The following ZNF112 variants were observed in gnomAD, a reference collection of about 807,000 sequenced individuals.
ZNF112 encodes zinc finger protein 112.
ZNF112 carries 37 observed loss-of-function variants against 77.7 expected under a neutral mutation model. The observed-to-expected ratio is 0.48, with a 90% CI of 0.37 to 0.63. The LOEUF is 0.63. Among genes scored for constraint, ZNF112 ranks in the 20% least tolerant of loss-of-function variants. The pLI is 0.00. For missense variants in ZNF112, 950 were observed against 1,077.4 expected (o/e 0.88, Z 1.66); for synonymous variants, 333 against 363.6 (o/e 0.92, Z 0.96).
chr19:44,337,430 T>TATATTTTATATATATA, intron 2 of ZNF112, among the ~76,000 whole-genome samples: 1 of 119,654 alleles, frequency 8.4e-6, no homozygotes, highest in African/African-American at 3.0e-5. Flanking sequence ...ATATATTATA[T>TATATTTTATATATATA]ATATATGTCT....
upstream of ZNF112, among the ~76,000 whole-genome samples, chr19:44,361,251 T>G (rs1169876968): frequency 6.6e-6 from 1 of 152,192 alleles, no homozygotes; most frequent in Non-Finnish European, 1.5e-5. Flanking sequence ...GAAAGCATCA[T>G]GATGCTGTGA....
At chr19:44,359,999 G>A (rs538591225), upstream of ZNF112, among the ~76,000 whole-genome samples, 89 of 152,120 alleles carry the variant, frequency 5.9e-4, no homozygotes, top group African/African-American at 2.1e-3. Context: ...GCTCATGCCT[G>A]TAATCCCAGC....
chr19:44,354,296 T>A (rs200268671), intron 1 of ZNF112, among the ~76,000 whole-genome samples: 5 of 152,244 alleles, frequency 3.3e-5, no homozygotes, highest in African/African-American at 1.2e-4. Flanking sequence ...GTAGTCGTTA[T>A]ACAAACTATG....
chr19:44,343,889 C>T (rs942640116), intron 1 of ZNF112, among the ~76,000 whole-genome samples: 1 of 152,220 alleles, frequency 6.6e-6, no homozygotes, highest in Non-Finnish European at 1.5e-5. Context: ...TTTTGTAAGA[C>T]ATCTGGACAG....
chr19:44,335,067 G>A (rs1009577433), intron 3 of ZNF112, among the ~76,000 whole-genome samples: 1 of 152,222 alleles, frequency 6.6e-6, no homozygotes, highest in African/African-American at 2.4e-5. Context: ...TAGCCAAGTG[G>A]GCTATACCCT....
intron 1 of ZNF112, among the ~76,000 whole-genome samples, chr19:44,345,808 T>C (rs1970578321): frequency 6.6e-6 from 1 of 152,050 alleles, no homozygotes; most frequent in Non-Finnish European, 1.5e-5. Context: ...CATAAAAGAG[T>C]CTCCAGGCCC....
chr19:44,356,281 T>C (rs1317409683), intron 1 of ZNF112, among the ~76,000 whole-genome samples: 1 of 152,178 alleles, frequency 6.6e-6, no homozygotes, highest in Non-Finnish European at 1.5e-5. Context: ...ACTAGTACCA[T>C]TTTAAAGAAA....
At chr19:44,331,183 T>C (rs111520426) in intron 3 of ZNF112, among the ~76,000 whole-genome samples, 10 of 152,192 alleles carry the variant, frequency 6.6e-5, no homozygotes, top group African/African-American at 2.4e-4. Context: ...TCAACGGCCA[T>C]GGTGTAGGTC....
chr19:44,360,814 A>G (rs920481823), upstream of ZNF112, among the ~76,000 whole-genome samples: 1 of 152,226 alleles, frequency 6.6e-6, no homozygotes, highest in Non-Finnish European at 1.5e-5. Flanking sequence ...TGGATTGTAG[A>G]GCCCGATTTG....
intron 3 of ZNF112, among the ~76,000 whole-genome samples, chr19:44,330,409 G>A (rs1262826111): frequency 2.6e-5 from 4 of 152,100 alleles, no homozygotes; most frequent in Admixed American, 1.3e-4. Flanking sequence ...CCTGGACATC[G>A]AACATGATGG....
intron 1 of ZNF112, among the ~76,000 whole-genome samples, chr19:44,350,010 A>G (rs891594472): frequency 6.6e-6 from 1 of 152,108 alleles, no homozygotes; most frequent in Non-Finnish European, 1.5e-5. Context: ...AACAGTCGAT[A>G]TGGAACAACC....
intron 3 of ZNF112, among the ~76,000 whole-genome samples, chr19:44,331,004 C>T (rs1483913102): frequency 6.6e-6 from 1 of 152,186 alleles, no homozygotes; most frequent in Non-Finnish European, 1.5e-5. Context: ...CATCACATAT[C>T]CTGTCACTAA....
At chr19:44,332,831 G>A (rs1970294991) in intron 3 of ZNF112, among the ~76,000 whole-genome samples, 1 of 152,070 alleles carries the variant, frequency 6.6e-6, no homozygotes, top group South Asian at 2.1e-4. Flanking sequence ...AAAATAAAAG[G>A]TCATTTCACT....
chr19:44,339,360 G>A (rs1970446738), intron 2 of ZNF112, among the ~76,000 whole-genome samples: 1 of 152,186 alleles, frequency 6.6e-6, no homozygotes, highest in Admixed American at 6.5e-5. Context: ...GTGATTTATA[G>A]TAGGGGCTTT....
At chr19:44,337,320 GTATAA>G (rs1970389212) in intron 2 of ZNF112, among the ~76,000 whole-genome samples, 1 of 92,256 alleles carries the variant, frequency 1.1e-5, no homozygotes, top group African/African-American at 4.5e-5. Flanking sequence ...TTTTGTATAT[GTATAA>G]AATATATATA....
chr19:44,344,601 A>G (rs919909582), intron 1 of ZNF112, among the ~76,000 whole-genome samples: 7 of 152,138 alleles, frequency 4.6e-5, no homozygotes, highest in Non-Finnish European at 8.8e-5. Flanking sequence ...CTCATCCAAT[A>G]TTTATGGATT....
chr19:44,357,442 C>T (rs1257948287), upstream of ZNF112, among the ~76,000 whole-genome samples: 2 of 152,178 alleles, frequency 1.3e-5, no homozygotes, highest in Non-Finnish European at 2.9e-5. Context: ...TACAGGATCT[C>T]AACCTTTCTT....
rs1970163197 is a variant in ZNF112, at chr19:44,327,943, A to G, written c.2214T>C (p.Thr738=). 1 of 1,609,180 alleles carries G rather than the reference A, an allele frequency of 6.2e-7. No individual in the cohort carries two copies. Among genetic ancestry groups the G allele is most frequent in the African/African-American group, 1.4e-5 (1 of 73,128 alleles). Residue 738 remains threonine, a synonymous_variant, in exon 4 of 4, where the codon ACT becomes ACC. Transcript: ENST00000354340. ...TCTCACATTTATACGGTTTCACTCT[A>G]GTGTGGACTCTCTGATGACCTTGAA... ...AYLQGHQRVH[T]RVKPYKCEMC...
chr19:44,363,777 T>C (rs1478932054), intron 1 of ZNF112, among the ~76,000 whole-genome samples: 1 of 152,236 alleles, frequency 6.6e-6, no homozygotes, highest in African/African-American at 2.4e-5. Flanking sequence ...AATAAATATC[T>C]ATGATTAGAA....
Sources: gnomAD v4.1 joint callset for allele counts (sites outside exome capture counted in the v4.1 genomes callset) on GRCh38, gnomAD v4.1.1 for gene constraint, MANE v1.5 for transcripts, NCBI Gene and HGNC (gene_info 2026-07-23, HGNC 2026-07-21) for gene names.